FABP12: variants seen among roughly 807,000 people sequenced by gnomAD.
FABP12 encodes the protein fatty acid binding protein 12.
In FABP12, 19 loss-of-function variants were observed where a neutral mutation model predicts 13.7. The observed-to-expected ratio is 1.39, with a 90% CI of 0.97 to 2.04. The LOEUF is 2.04. Among genes scored for constraint, FABP12 ranks in the 30% most tolerant of loss-of-function variants. The pLI, the probability that FABP12 is intolerant of heterozygous loss-of-function variation, is 0.00. For missense variants in FABP12, 182 were observed against 164.2 expected (o/e 1.11, Z -0.59); for synonymous variants, 61 against 57.0 (o/e 1.07, Z -0.32).
At chr8:81,529,487 T>C (rs777895349) in exon 3 of FABP12, 3 of 1,613,990 alleles carry the variant, frequency 1.9e-6, no homozygotes, top group Admixed American at 1.7e-5. Context: ...TTCTCCCAGC[T>C]TAAAGGAGAT....
intron 1 of FABP12, among the ~76,000 whole-genome samples, chr8:81,580,226 T>C (rs1810134704): frequency 1.3e-5 from 2 of 152,378 alleles, no homozygotes; most frequent in Admixed American, 1.3e-4. Flanking sequence ...AGATTTAACA[T>C]GTTTGTAAGT....
intron 4 of FABP12, 105 bp downstream of exon 4, chr8:81,526,915 T>G (rs1808915719): frequency 3.1e-6 from 2 of 655,634 alleles, no homozygotes; most frequent in Non-Finnish European, 5.2e-6. Flanking sequence ...CTTTAAACTA[T>G]GAGAACAAGG....
At chr8:81,557,327 C>G (rs755025098) in intron 1 of FABP12, among the ~76,000 whole-genome samples, 4 of 152,196 alleles carry the variant, frequency 2.6e-5, no homozygotes, top group Non-Finnish European at 5.9e-5. Context: ...GTAAATCTAG[C>G]TGTCTTCCAA....
chr8:81,576,796 G>A (rs750040807), intron 1 of FABP12, among the ~76,000 whole-genome samples: 1 of 152,138 alleles, frequency 6.6e-6, no homozygotes. Flanking sequence ...AGTAGGTCAG[G>A]AGTTCTATTC....
chr8:81,555,437 T>G (rs1318479745), intron 1 of FABP12, among the ~76,000 whole-genome samples: 1 of 152,218 alleles, frequency 6.6e-6, no homozygotes, highest in Non-Finnish European at 1.5e-5. Flanking sequence ...AGACAAATGG[T>G]TCCAATTTTT....
At chr8:81,583,650 T>C (rs1810200614) in intron 1 of FABP12, among the ~76,000 whole-genome samples, 1 of 151,930 alleles carries the variant, frequency 6.6e-6, no homozygotes, top group Non-Finnish European at 1.5e-5. Context: ...CAGGAAGAAA[T>C]AGAAAACTTG....
intron 1 of FABP12, among the ~76,000 whole-genome samples, chr8:81,571,402 G>T (rs1475913324): frequency 6.6e-6 from 1 of 152,330 alleles, no homozygotes; most frequent in Admixed American, 6.5e-5. Context: ...TAGGAGGATG[G>T]GGGCGGCGCA....
At chr8:81,529,773 G>A (rs1179434843) in intron 2 of FABP12, among the ~76,000 whole-genome samples, 163 bp from the exon 3 acceptor site, 1 of 152,086 alleles carries the variant, frequency 6.6e-6, no homozygotes, top group Admixed American at 6.6e-5. Context: ...ATTTAATGGT[G>A]CATGACTTCA....
chr8:81,533,634 C>T (rs1809144687), intron 1 of FABP12, among the ~76,000 whole-genome samples, 168 bp downstream of exon 1: 1 of 152,186 alleles, frequency 6.6e-6, no homozygotes, highest in African/African-American at 2.4e-5. Flanking sequence ...TTTTAACTTG[C>T]CTCCACACCC....
intron 1 of FABP12, among the ~76,000 whole-genome samples, chr8:81,583,293 C>T (rs1810195365): frequency 6.6e-6 from 1 of 151,748 alleles, no homozygotes; most frequent in South Asian, 2.1e-4. Context: ...GCACCTCAAG[C>T]AACTAGAAAA....
chr8:81,538,809 T>G (rs1340213043), upstream of FABP12, among the ~76,000 whole-genome samples: 1 of 152,142 alleles, frequency 6.6e-6, no homozygotes, highest in East Asian at 1.9e-4. Flanking sequence ...TTAAAGAATC[T>G]TAGGGACCTT....
intron 1 of FABP12, chr8:81,532,947 C>T (rs964964743): frequency 6.6e-6 from 1 of 152,242 alleles, no homozygotes; most frequent in African/African-American, 2.4e-5. Context: ...CAGGAAATGA[C>T]CCAACATTGA....
rs200852441 is a variant in FABP12 at position 81,529,482 on chromosome 8, C to T, written c.202G>A (p.Gly68Arg). The change falls in exon 3 of 5, where the codon GGA (glycine) becomes AGA (arginine). Residue 68 changes from glycine to arginine, a missense_variant. Physicochemically the swap from Gly to Arg is moderately radical, Grantham distance 125. Transcript: ENST00000360464. ...GGCGTGATTTCCTCAAACTCTTCTC[C>T]CAGCTTAAAGGAGATCTCATTATTT... 57 of 1,613,814 alleles carry T rather than the reference C, an allele frequency of 3.5e-5. 1 individual carries two copies. The highest frequency in any genetic ancestry group is 7.6e-6 in the Non-Finnish European group (9 of 1,179,858).
At chr8:81,535,816 G>A (rs1809208197), upstream of FABP12, among the ~76,000 whole-genome samples, 2 of 152,144 alleles carry the variant, frequency 1.3e-5, no homozygotes, top group Non-Finnish European at 2.9e-5. Context: ...TTCTGGGTCT[G>A]AAAATTGGCT....
intron 1 of FABP12, among the ~76,000 whole-genome samples, chr8:81,541,146 A>C (rs1313570499): frequency 1.3e-5 from 2 of 150,098 alleles, no homozygotes; most frequent in African/African-American, 4.9e-5. Context: ...AGCCTGGTTG[A>C]CAGAGTGAGA....
At chr8:81,570,257 C>T (rs1328319009) in intron 1 of FABP12, among the ~76,000 whole-genome samples, 1 of 152,226 alleles carries the variant, frequency 6.6e-6, no homozygotes, top group Non-Finnish European at 1.5e-5. Flanking sequence ...CAAAGGGCTA[C>T]AGATCTTCTC....
At chr8:81,569,493 T>A (rs1809886337) in intron 1 of FABP12, among the ~76,000 whole-genome samples, 1 of 152,172 alleles carries the variant, frequency 6.6e-6, no homozygotes, top group Non-Finnish European at 1.5e-5. Flanking sequence ...AGCAGGTGAC[T>A]TAGCAATTCT....
chr8:81,543,591 T>C (rs1809387961), intron 1 of FABP12, among the ~76,000 whole-genome samples: 1 of 152,188 alleles, frequency 6.6e-6, no homozygotes, highest in Admixed American at 6.5e-5. Flanking sequence ...CATTAACCTA[T>C]AAGTATATAA....
intron 1 of FABP12, among the ~76,000 whole-genome samples, chr8:81,567,290 A>C (rs1809841280): frequency 6.6e-6 from 1 of 152,232 alleles, no homozygotes; most frequent in Admixed American, 6.5e-5. Context: ...AACGATCTGC[A>C]CAGAAATAGA....
Sources: allele counts gnomAD v4.1 joint callset (sites outside exome capture counted in the v4.1 genomes callset), GRCh38; gene constraint gnomAD v4.1.1; transcripts MANE v1.5; gene names NCBI Gene and HGNC (gene_info 2026-07-23, HGNC 2026-07-21).